Variants in C19orf47 observed in about 807,000 individuals in gnomAD.
C19orf47 encodes the protein chromosome 19 open reading frame 47, also known as uncharacterized protein C19orf47.
A neutral mutation model predicts 32.3 loss-of-function variants in C19orf47; 18 were observed. That is an observed-to-expected ratio of 0.56 (90% CI 0.39 to 0.83). The LOEUF (loss-of-function observed/expected upper bound fraction) is 0.83, where lower values mean the gene tolerates loss of function less well. Among genes scored for constraint, C19orf47 ranks in the 40% least tolerant of loss-of-function variants. C19orf47 has a pLI of 0.00. For missense variants in C19orf47, 484 were observed against 531.6 expected, an observed-to-expected ratio of 0.91 and a Z score of 0.88; for synonymous variants, 202 against 211.1, an observed-to-expected ratio of 0.96 and a Z score of 0.37.
chr19:40,348,383 T>A lies in C19orf47; in HGVS notation c.-93A>T. 6 of 1,257,294 alleles carry A rather than the reference T, an allele frequency of 4.8e-6. No homozygotes were observed. Among genetic ancestry groups the A allele is most frequent in the Non-Finnish European group, 5.1e-6 (5 of 981,376 alleles). 77.9% of individuals were successfully genotyped at this position (1,257,294 alleles called of 1,614,324 possible). A position where few individuals can be genotyped will look rare whatever the true frequency, so the allele number is the denominator to read the frequency against. On this transcript the variant is annotated 5_prime_UTR_variant, in exon 1 of 9. Transcript: ENST00000683109. ...CGCCCTCCCTCCCGGCGGCGCCAAC[T>A]GTCAGACACTCCTCCCCCGGCCCGG...
Position 40,322,360 on chromosome 19 carries a change from C to T in C19orf47, c.680G>A (p.Ser227Asn). The T allele has an allele frequency of 6.3e-7, 1 of 1,590,316 alleles. No homozygotes were observed. Among genetic ancestry groups the T allele is most frequent in the Non-Finnish European group, 8.6e-7 (1 of 1,165,580 alleles). The change falls in exon 9 of 9, where the codon AGC becomes AAC. Residue 227 changes from serine to asparagine, a missense_variant. By Grantham distance (46) the Ser-to-Asn change is conservative. Around this residue, in one of 3 missense-constraint regions of C19orf47, gnomAD observed 376 missense variants for 370.2 expected, o/e 1.02. Coordinates refer to ENST00000683109, the MANE Select transcript of C19orf47 (RefSeq NM_001256441.2). ...CGTTTCTGGGGTGGCCCCCAGGCGG[C>T]TGAAGACTCCTGTGGGCTGTGGAGG... ...TTGSKPTGVFSRLGATPETDE... is the reference protein window; with the variant it reads ...TTGSKPTGVFNRLGATPETDE...
At chr19:40,347,248 C>T (rs1382775075) in intron 1 of C19orf47, among the ~76,000 whole-genome samples, 15 of 151,952 alleles carry the variant, frequency 9.9e-5, no homozygotes, top group Admixed American at 7.9e-4. Flanking sequence ...GACAGCAATG[C>T]GCCGGGCACG....
At chr19:40,330,320 C>G (rs2077924134) in intron 5 of C19orf47, among the ~76,000 whole-genome samples, 1 of 151,628 alleles carries the variant, frequency 6.6e-6, no homozygotes, top group Admixed American at 6.6e-5. Context: ...GCTCTGCCTC[C>G]CAGGTTCACA....
rs576261506 is a variant in C19orf47, at chr19:40,321,846, G to A, written c.*36C>T. Reference sequence around the variant, plus strand: ...CCTGGGGCGGCCAGGGCAGATGCCCGCAGGCTCTGCTGCCTGCACCCCGCC... The same window carrying A: ...CCTGGGGCGGCCAGGGCAGATGCCCACAGGCTCTGCTGCCTGCACCCCGCC... On this transcript the variant is annotated 3_prime_UTR_variant, in exon 9 of 9. Transcript: ENST00000683109. 11 of 1,502,068 alleles carry A rather than the reference G, an allele frequency of 7.3e-6. No individual in the cohort carries two copies. Among genetic ancestry groups the A allele is most frequent in the South Asian group, 4.0e-5 (3 of 74,362 alleles). The allele number at this position is 1,502,068 out of a possible 1,614,324, so 93.0% of individuals were successfully genotyped here.
In C19orf47 at chr19:40,342,268, T is replaced by C. The variant is rs1266373520; in HGVS notation, c.-33-378A>G. ...TGGGAGGCCAAGGTGGGAGGATTAC[T>C]TGAAGCCAGGAGTTCAAGACCAGCC... On this transcript the variant is annotated intron_variant, in intron 1 of 8. Transcript: ENST00000683109. The C allele has an allele frequency of 3.4e-5, 8 of 235,330 alleles. No individual in the cohort carries two copies. In the East Asian group the frequency reaches 9.5e-4, roughly 28 times the overall value. 14.6% of individuals were successfully genotyped at this position (235,330 alleles called of 1,614,324 possible).
intron 5 of C19orf47, among the ~76,000 whole-genome samples, chr19:40,329,594 C>T (rs899708279): frequency 8.5e-5 from 13 of 152,174 alleles, no homozygotes; most frequent in African/African-American, 2.4e-4. Context: ...AGCACCCAGG[C>T]ATCATGACAT....
rs1018071246 is a variant in C19orf47, at chr19:40,328,618, A to G, written c.302-68T>C. ...AGACAGGCCTCAATCCAGCAGTCTC[A>G]GGGTCAGGATGGAGAAGGTGAGGCT... On this transcript the variant is annotated intron_variant, in intron 5 of 8. Coordinates refer to ENST00000683109, the MANE Select transcript of C19orf47 (RefSeq NM_001256441.2). 61 of 1,530,966 alleles carry G rather than the reference A, an allele frequency of 4.0e-5. No homozygotes were observed. In the East Asian group the frequency reaches 1.2e-3, roughly 29 times the overall value. The allele number at this position is 1,530,966 out of a possible 1,614,324, so 94.8% of individuals were successfully genotyped here.
chr19:40,328,748 C>A (rs1224782145), intron 5 of C19orf47, among the ~76,000 whole-genome samples, 198 bp from the exon 6 acceptor site: 1 of 152,050 alleles, frequency 6.6e-6, no homozygotes, highest in Non-Finnish European at 1.5e-5. Flanking sequence ...GGAACTAGCC[C>A]ATCCCTCCCT....
rs1211682425 is a variant in C19orf47 at position 40,348,334 on chromosome 19, G to T, written c.-44C>A. 1.5e-5 allele frequency: 19 copies of T among 1,291,828 alleles called. No homozygotes were observed. Among genetic ancestry groups the T allele is most frequent in the Non-Finnish European group, 1.8e-5 (18 of 1,016,014 alleles). 80.0% of individuals were successfully genotyped at this position (1,291,828 alleles called of 1,614,324 possible). A position where few individuals can be genotyped will look rare whatever the true frequency, so the allele number is the denominator to read the frequency against. On this transcript the variant is annotated 5_prime_UTR_variant, in exon 1 of 9. Transcript: ENST00000683109. ...CGGCCCGCGCCTCACCTGGCCCACC[G>T]GGCCCGCGCCCACTCGCGCCGCCCG...
chr19:40,322,014 G>T lies in C19orf47; in HGVS notation c.1026C>A (p.Ala342=). The change falls in exon 9 of 9, where the codon GCC becomes GCA. Residue 342 remains alanine, a synonymous_variant. Coordinates refer to ENST00000683109, the MANE Select transcript of C19orf47 (RefSeq NM_001256441.2). ...QVTSTKSKSS[A]EVKVTIKRTL... ...TCCTCTTAATGGTGACCTTGACCTC[G>T]GCTGAGGACTTACTCTTGGTGCTGG... The T allele has an allele frequency of 6.2e-7, 1 of 1,614,100 alleles. No homozygotes were observed. Among genetic ancestry groups the T allele is most frequent in the Non-Finnish European group, 8.5e-7 (1 of 1,179,996 alleles).
the C19orf47 span, among the ~76,000 whole-genome samples, chr19:40,312,398 A>G: frequency 6.6e-6 from 1 of 152,170 alleles, no homozygotes; most frequent in Non-Finnish European, 1.5e-5. Flanking sequence ...ACAAAAAATT[A>G]GCCAGGCATG....
chr19:40,302,455 G>A, the C19orf47 span, among the ~76,000 whole-genome samples: 27 of 151,900 alleles, frequency 1.8e-4, no homozygotes, highest in Non-Finnish European at 3.7e-4. Context: ...GTGCCACCAC[G>A]TCTGATTTTT....
chr19:40,344,422 T>G (rs1600221532), intron 1 of C19orf47, among the ~76,000 whole-genome samples: 1 of 150,812 alleles, frequency 6.6e-6, no homozygotes, highest in Non-Finnish European at 1.5e-5. Context: ...GAGGCTGCAG[T>G]GGGCCGAGAT....
At chr19:40,306,881 C>T in the C19orf47 span, among the ~76,000 whole-genome samples, 24 of 151,206 alleles carry the variant, frequency 1.6e-4, no homozygotes, top group East Asian at 3.1e-3. Flanking sequence ...CTCCGCCCCC[C>T]GGGGTTCACG....
chr19:40,335,735 A>G (rs1261417173), intron 4 of C19orf47, among the ~76,000 whole-genome samples: 1 of 151,714 alleles, frequency 6.6e-6, no homozygotes, highest in Non-Finnish European at 1.5e-5. Flanking sequence ...TCAGCCTCCC[A>G]AGTAGCTGGG....
At chr19:40,338,258 CAT>C (rs201272774) in intron 2 of C19orf47, among the ~76,000 whole-genome samples, 4 of 86,612 alleles carry the variant, frequency 4.6e-5, no homozygotes, top group Middle Eastern at 6.3e-3. Context: ...TATATATATA[CAT>C]ATATATACAC....
At chr19:40,315,993 C>A (rs542866705), downstream of C19orf47, among the ~76,000 whole-genome samples, 2 of 150,446 alleles carry the variant, frequency 1.3e-5, no homozygotes, top group South Asian at 2.1e-4. Context: ...AAAATAAAGT[C>A]TATTACAAAA....
Position 40,348,320 on chromosome 19 carries a change from T to C in C19orf47, c.-34+4A>G. On this transcript the variant is annotated splice_donor_region_variant and intron_variant, in intron 1 of 8. Transcript: ENST00000683109. ...AGTCCCACCACCCCCGGCCCGCGCC[T>C]CACCTGGCCCACCGGGCCCGCGCCC... 1.6e-6 allele frequency: 2 copies of C among 1,288,974 alleles called. No homozygotes were observed. The highest frequency in any genetic ancestry group is 9.8e-7 in the Non-Finnish European group (1 of 1,017,880). The allele number at this position is 1,288,974 out of a possible 1,614,324, so 79.8% of individuals were successfully genotyped here. A position where few individuals can be genotyped will look rare whatever the true frequency, so the allele number is the denominator to read the frequency against.
intron 2 of C19orf47, among the ~76,000 whole-genome samples, chr19:40,337,483 C>G (rs532088760): frequency 6.6e-6 from 1 of 151,678 alleles, no homozygotes; most frequent in African/African-American, 2.4e-5. Flanking sequence ...ATCACTGATT[C>G]GAAGTAGAAC....
Sources: gnomAD v4.1 joint callset for allele counts (sites outside exome capture counted in the v4.1 genomes callset) on GRCh38, gnomAD v4.1.1 for gene constraint, gnomAD v4.1.1 regional missense constraint, MANE v1.5 for transcripts, NCBI Gene and HGNC (gene_info 2026-07-23, HGNC 2026-07-21) for gene names.